The following MTR variants were observed in gnomAD, a reference collection of about 807,000 sequenced individuals.
The protein encoded by MTR is 5-methyltetrahydrofolate-homocysteine methyltransferase.
A neutral mutation model predicts 154.8 loss-of-function variants in MTR; 84 were observed. The ratio of observed to expected loss-of-function variants is 0.54; its 90% CI spans 0.45 to 0.65. The LOEUF (loss-of-function observed/expected upper bound fraction) is 0.65. MTR is among the 30% of genes least tolerant of loss of function. The pLI, the probability that MTR is intolerant of heterozygous loss-of-function variation, is 0.00. For missense variants in MTR, 1,275 were observed against 1,570.2 expected (o/e 0.81, Z 3.18); for synonymous variants, 554 against 553.9 (o/e 1.00, Z 0.00).
At chr1:236,859,969 T>C in intron 19 of MTR, 47 bp downstream of exon 19, 10 of 1,510,312 alleles carry the variant, frequency 6.6e-6, no homozygotes, top group Non-Finnish European at 9.2e-6. Context: ...TCATCATGGC[T>C]GACTGATCCT....
Position 236,806,125 on chromosome 1 carries a change from T to G in MTR, c.250-19T>G. The G allele has an allele frequency of 6.2e-7, 1 of 1,605,984 alleles. No individual in the cohort carries two copies. The highest frequency in any genetic ancestry group is 1.1e-5 in the South Asian group (1 of 90,906). On this transcript the variant is annotated intron_variant, in intron 2 of 32. Coordinates refer to ENST00000366577, the MANE Select transcript of MTR (RefSeq NM_000254.3). Reference sequence around the variant, plus strand: ...GAAACTCTAAAGCTCATAATTGACATTATAATCTCTTGTTGCAGGAATACT... The same window carrying G: ...GAAACTCTAAAGCTCATAATTGACAGTATAATCTCTTGTTGCAGGAATACT...
At chr1:236,815,776 C>G (rs1327623965) in intron 7 of MTR, 113 bp downstream of exon 7, 3 of 1,002,216 alleles carry the variant, frequency 3.0e-6, no homozygotes, top group Admixed American at 1.9e-5. Context: ...TAGAACTCAT[C>G]TACTTTAACT....
Position 236,824,251 on chromosome 1 carries a change from G to C in MTR, c.865+32G>C, listed in dbSNP as rs184194163. 1.1e-4 allele frequency: 170 copies of C among 1,520,138 alleles called. No homozygotes were observed. The East Asian group carries it at 3.4e-3, about 31-fold the overall frequency. 94.2% of individuals were successfully genotyped at this position (1,520,138 alleles called of 1,614,324 possible). On this transcript the variant is annotated intron_variant, in intron 9 of 32. Transcript: ENST00000366577. Reference sequence around the variant, plus strand: ...GTTTCAAGGGGGTCACACATGGGGAGATAAAAATAACATAAGACATGGCAT... The same window carrying C: ...GTTTCAAGGGGGTCACACATGGGGACATAAAAATAACATAAGACATGGCAT...
chr1:236,829,931 A>G (rs1365236415), intron 12 of MTR, among the ~76,000 whole-genome samples: 1 of 152,348 alleles, frequency 6.6e-6, no homozygotes, highest in East Asian at 1.9e-4. Context: ...CTTTAAGCAG[A>G]AAAAGTATGA....
chr1:236,814,061 A>C (rs1007621286), intron 6 of MTR, among the ~76,000 whole-genome samples: 12 of 152,186 alleles, frequency 7.9e-5, no homozygotes, highest in Non-Finnish European at 4.4e-5. Context: ...ATCAGACCAC[A>C]GGTCCAGAAT....
At chr1:236,835,404 GA>G (rs984467815) in intron 13 of MTR, 142 bp from the exon 14 acceptor site, 74 of 906,728 alleles carry the variant, frequency 8.2e-5, no homozygotes, top group Middle Eastern at 3.1e-4. Context: ...GTGATGGGTG[GA>G]CAGCAGGCCC....
intron 22 of MTR, among the ~76,000 whole-genome samples, chr1:236,865,422 G>T (rs1037524422): frequency 7.2e-5 from 11 of 152,166 alleles, no homozygotes; most frequent in Non-Finnish European, 4.4e-5. Flanking sequence ...ATGGAATAAT[G>T]TGTACTTTTA....
rs1308400066 is a variant in MTR, at chr1:236,898,098, C to CT, written c.*455dup. ...ACTGTGAGAAATGGGGCATTTTAAT[C>CT]TAAGTGGTTATAACAGTGGATTCTG... On this transcript the variant is annotated 3_prime_UTR_variant, in exon 33 of 33. Transcript: ENST00000366577. The CT allele has an allele frequency of 9.7e-6, 2 of 205,920 alleles. No individual in the cohort carries two copies. Among genetic ancestry groups the CT allele is most frequent in the East Asian group, 2.8e-4 (2 of 7,202 alleles). 12.8% of individuals were successfully genotyped at this position (205,920 alleles called of 1,614,324 possible).
rs1666820654 is a variant in MTR, at chr1:236,899,246, T to C, written c.*1602T>C. On this transcript the variant is annotated 3_prime_UTR_variant, in exon 33 of 33. Transcript: ENST00000366577. ...TAAAATTACCAAATGCTTCTAAATATGAAGGAGAGGTTGGGGACACGCACC... is the reference window on the plus strand; with the variant it reads ...TAAAATTACCAAATGCTTCTAAATACGAAGGAGAGGTTGGGGACACGCACC... 6.6e-6 allele frequency: 1 copy of C among 152,160 alleles called. No homozygotes were observed. Among genetic ancestry groups the C allele is most frequent in the African/African-American group, 2.4e-5 (1 of 41,438 alleles). The allele number at this position is 152,160 out of a possible 1,614,324, so 9.4% of individuals were successfully genotyped here.
rs1660618763 is a variant in MTR, at chr1:236,799,981, T to G, written c.35-3447T>G. 4.5e-6 allele frequency: 4 copies of G among 882,692 alleles called. No homozygotes were observed. In the Admixed American group the frequency reaches 1.9e-4, roughly 41 times the overall value. The allele number at this position is 882,692 out of a possible 1,614,324, so 54.7% of individuals were successfully genotyped here. A position where few individuals can be genotyped will look rare whatever the true frequency, so the allele number is the denominator to read the frequency against. ...TGGCTCAACAAACAAGATGCCAGAA[T>G]TTGCATGTGTGGGGCTGGGTTGTTT... On this transcript the variant is annotated intron_variant, in intron 1 of 32. Coordinates refer to ENST00000366577, the MANE Select transcript of MTR (RefSeq NM_000254.3).
chr1:236,864,058 G>A (rs1664698066), intron 22 of MTR, among the ~76,000 whole-genome samples: 1 of 152,138 alleles, frequency 6.6e-6, no homozygotes, highest in African/African-American at 2.4e-5. Context: ...ATTTTGGAAT[G>A]TTGTATACAA....
intron 22 of MTR, among the ~76,000 whole-genome samples, chr1:236,871,260 C>T (rs1665112564): frequency 6.6e-6 from 1 of 152,038 alleles, no homozygotes; most frequent in Non-Finnish European, 1.5e-5. Flanking sequence ...GAAAAGGCTC[C>T]CCTGGTGATT....
chr1:236,873,361 G>A (rs540074493), intron 22 of MTR, among the ~76,000 whole-genome samples: 22 of 152,276 alleles, frequency 1.4e-4, no homozygotes, highest in East Asian at 1.3e-3. Flanking sequence ...AAGTTTGGAC[G>A]TAAATAGTGA....
At position 236,852,554 on chromosome 1, in the gene MTR, C is replaced by G; in HGVS notation, c.1729C>G (p.Leu577Val). 3 of 1,614,022 alleles carry G rather than the reference C, an allele frequency of 1.9e-6. No homozygotes were observed. The highest frequency in any genetic ancestry group is 2.2e-5 in the South Asian group (2 of 91,088). Residue 577 changes from leucine to valine, a missense_variant, in exon 17 of 33, where the codon CTT (leucine) becomes GTT (valine). Physicochemically the swap from Leu to Val is conservative, Grantham distance 32. Coordinates refer to ENST00000366577, the MANE Select transcript of MTR (RefSeq NM_000254.3). ...TLPGARISGG[L>V]SNLSFSFRGM... is the part of the protein sequence containing the mutation. ...ACCTGGAGCCAGAATAAGTGGAGGT[C>G]TTTCCAACTTGTCCTTCTCCTTCCG...
intron 25 of MTR, among the ~76,000 whole-genome samples, chr1:236,884,910 GCCAGTC>G (rs1157991500): frequency 6.6e-6 from 1 of 152,174 alleles, no homozygotes; most frequent in Non-Finnish European, 1.5e-5. Flanking sequence ...CCAGTCAAAG[GCCAGTC>G]CCTTCTTTGG....
At chr1:236,867,384 T>C (rs1276718815) in intron 22 of MTR, among the ~76,000 whole-genome samples, 1 of 152,216 alleles carries the variant, frequency 6.6e-6, no homozygotes, top group African/African-American at 2.4e-5. Context: ...TAAGACCTAC[T>C]GCTCAGTAAA....
At chr1:236,886,680 G>A (rs1666026929) in intron 27 of MTR, among the ~76,000 whole-genome samples, 1 of 152,158 alleles carries the variant, frequency 6.6e-6, no homozygotes, top group African/African-American at 2.4e-5. Flanking sequence ...AAACTTGAAA[G>A]GTTACTAGGA....
intron 2 of MTR, among the ~76,000 whole-genome samples, chr1:236,804,211 G>A (rs1660847363): frequency 6.6e-6 from 1 of 152,164 alleles, no homozygotes; most frequent in South Asian, 2.1e-4. Flanking sequence ...GGGCACTGCT[G>A]TGTTCTCAAT....
intron 31 of MTR, among the ~76,000 whole-genome samples, chr1:236,896,396 G>T (rs1278203745): frequency 1.3e-5 from 2 of 152,236 alleles, no homozygotes; most frequent in African/African-American, 4.8e-5. Context: ...GGAGTCATGA[G>T]ATCTGGGTTT....
Sources: gnomAD v4.1 joint callset for allele counts (sites outside exome capture counted in the v4.1 genomes callset) on GRCh38, gnomAD v4.1.1 for gene constraint, MANE v1.5 for transcripts, NCBI Gene and HGNC (gene_info 2026-07-23, HGNC 2026-07-21) for gene names.